OR2AJ1: variants seen among roughly 807,000 people sequenced by gnomAD.
OR2AJ1 encodes the protein olfactory receptor 2AJ1.
For synonymous variants in OR2AJ1, 105 were observed against 60.3 expected (o/e 1.74, Z -3.44); for missense variants, 280 against 163.2 (o/e 1.72, Z -3.90).
chr1:247,929,685 G>A (rs974501104), intron 1 of OR2AJ1, among the ~76,000 whole-genome samples: 1 of 150,868 alleles, frequency 6.6e-6, no homozygotes, highest in Non-Finnish European at 1.5e-5. Flanking sequence ...AACTTTATCA[G>A]GCAGGTACTG....
rs1001773161 is a variant in OR2AJ1, at chr1:247,934,470, GAA to G, written c.706_707del (p.Lys236ValfsTer27). 9 of 717,330 alleles carry G rather than the reference GAA, an allele frequency of 1.3e-5. No homozygotes were observed. In the Admixed American group the frequency reaches 1.8e-4, roughly 14 times the overall value. The allele number at this position is 717,330 out of a possible 1,614,324, so 44.4% of individuals were successfully genotyped here. On this transcript the variant is annotated frameshift_variant, in exon 2 of 2. Transcript: ENST00000318244. LOFTEE classifies it low-confidence loss of function (END_TRUNC). ...VLQMKSSEAR[K>X]KSFSTCSFHM... The stretch of plus-strand genomic sequence containing the variant: ...TCCAGATGAAATCATCAGAGGCAAG[GAA>G]AAAGTCATTTTCCACTTGTTCCTTC...
At position 247,934,823 on chromosome 1, in the gene OR2AJ1, G is replaced by T. The variant is rs1660199984; in HGVS notation, c.*68G>T. 2 of 609,004 alleles carry T rather than the reference G, an allele frequency of 3.3e-6. No homozygotes were observed. The highest frequency in any genetic ancestry group is 5.8e-6 in the Non-Finnish European group (2 of 343,266). 37.7% of individuals were successfully genotyped at this position (609,004 alleles called of 1,614,324 possible). On this transcript the variant is annotated 3_prime_UTR_variant, in exon 2 of 2. Coordinates refer to ENST00000318244, the MANE Select transcript of OR2AJ1 (RefSeq NM_001355235.2). ...AAAGCTTCTATCTTACCACATATAAGAAGTGAATATTTCAGAAACATTGTT... is the reference window on the plus strand; with the variant it reads ...AAAGCTTCTATCTTACCACATATAATAAGTGAATATTTCAGAAACATTGTT...
At chr1:247,932,229 C>T (rs7518259) in intron 1 of OR2AJ1, among the ~76,000 whole-genome samples, 5,864 of 152,222 alleles carry the variant, frequency 0.039, 372 homozygotes, top group African/African-American at 0.13. Flanking sequence ...CCAAGCTACT[C>T]GGAAGCTGAG....
rs550934048 is a variant in OR2AJ1, at chr1:247,933,988, G to T, written c.220G>T (p.Val74Phe). The T allele has an allele frequency of 1.4e-6, 1 of 717,608 alleles. No homozygotes were observed. The highest frequency in any genetic ancestry group is 1.7e-5 in the African/African-American group (1 of 57,376). 44.5% of individuals were successfully genotyped at this position (717,608 alleles called of 1,614,324 possible). ...SHLSLMDILHVSNIVPKMVTN... is the reference protein window; with the variant it reads ...SHLSLMDILHFSNIVPKMVTN... Reference sequence around the variant, plus strand: ...TCTCTCCTTAATGGATATCTTGCATGTTTCCAACATCGTTCCCAAAATGGT... The same window carrying T: ...TCTCTCCTTAATGGATATCTTGCATTTTTCCAACATCGTTCCCAAAATGGT... The change falls in exon 2 of 2, where the codon GTT (valine) becomes TTT (phenylalanine). Residue 74 changes from valine to phenylalanine, a missense_variant. Val to Phe is a conservative substitution (Grantham distance 50). Coordinates refer to ENST00000318244, the MANE Select transcript of OR2AJ1 (RefSeq NM_001355235.2).
In OR2AJ1 at chr1:247,935,272, TA is replaced by T. The variant is rs1660205487; in HGVS notation, c.*518del. On this transcript the variant is annotated 3_prime_UTR_variant, in exon 2 of 2. Coordinates refer to ENST00000318244, the MANE Select transcript of OR2AJ1 (RefSeq NM_001355235.2). ...TAAAATTGAATTACTCATCCTATGC[TA>T]GAAGCAACTATACAATATTAGATAG... The T allele has an allele frequency of 6.6e-6, 1 of 152,352 alleles. No individual in the cohort carries two copies. The highest frequency in any genetic ancestry group is 2.4e-5 in the African/African-American group (1 of 41,452). 9.4% of individuals were successfully genotyped at this position (152,352 alleles called of 1,614,324 possible).
chr1:247,931,420 C>T (rs938334623), intron 1 of OR2AJ1, among the ~76,000 whole-genome samples: 1 of 152,162 alleles, frequency 6.6e-6, no homozygotes, highest in Non-Finnish European at 1.5e-5. Flanking sequence ...GATACACTTT[C>T]TTGAATCATT....
intron 1 of OR2AJ1, 67 bp downstream of exon 1, chr1:247,925,235 C>G (rs527519060): frequency 6.6e-6 from 1 of 152,486 alleles, no homozygotes; most frequent in Non-Finnish European, 1.5e-5. Flanking sequence ...CATAGGAAGG[C>G]GCAGGTTTTG....
chr1:247,929,572 G>A (rs1158478413), intron 1 of OR2AJ1, among the ~76,000 whole-genome samples: 1 of 148,536 alleles, frequency 6.7e-6, no homozygotes, highest in Non-Finnish European at 1.5e-5. Context: ...TTGACTGTGT[G>A]CCAGGCTCTA....
intron 1 of OR2AJ1, among the ~76,000 whole-genome samples, chr1:247,931,881 G>A (rs1660156472): frequency 6.6e-6 from 1 of 152,156 alleles, no homozygotes; most frequent in South Asian, 2.1e-4. Flanking sequence ...CAGGGAGTGG[G>A]GAAAAGTTAA....
intron 1 of OR2AJ1, among the ~76,000 whole-genome samples, chr1:247,926,714 C>T (rs1660094965): frequency 6.6e-6 from 1 of 152,170 alleles, no homozygotes; most frequent in Non-Finnish European, 1.5e-5. Context: ...GTTTCAAAAA[C>T]ATAGCTGGCA....
Position 247,934,500 on chromosome 1 carries a change from CAT to C in OR2AJ1, c.733_734del (p.Met245AspfsTer18), listed in dbSNP as rs778491709. On this transcript the variant is annotated frameshift_variant, in exon 2 of 2. Transcript: ENST00000318244. LOFTEE classifies it low-confidence loss of function (END_TRUNC). ...KKSFSTCSFH[M>X]IVVTMYYGPF... ...AGTCATTTTCCACTTGTTCCTTCCA[CAT>C]GATTGTGGTCACGATGTACTATGGG... 1 of 717,556 alleles carries C rather than the reference CAT, an allele frequency of 1.4e-6. No individual in the cohort carries two copies. The highest frequency in any genetic ancestry group is 1.5e-5 in the South Asian group (1 of 67,596). 44.4% of individuals were successfully genotyped at this position (717,556 alleles called of 1,614,324 possible).
chr1:247,928,870 G>A (rs925187973), intron 1 of OR2AJ1, among the ~76,000 whole-genome samples: 1 of 152,102 alleles, frequency 6.6e-6, no homozygotes, highest in African/African-American at 2.4e-5. Flanking sequence ...CGAGGCGGGC[G>A]GATCACGAGG....
At chr1:247,932,130 A>T (rs1376760192) in intron 1 of OR2AJ1, among the ~76,000 whole-genome samples, 1 of 152,178 alleles carries the variant, frequency 6.6e-6, no homozygotes, top group African/African-American at 2.4e-5. Context: ...TTTGAAGTCA[A>T]GAGTTCGAGA....
chr1:247,926,855 T>C (rs1356589279), intron 1 of OR2AJ1, among the ~76,000 whole-genome samples: 1 of 152,206 alleles, frequency 6.6e-6, no homozygotes, highest in Non-Finnish European at 1.5e-5. Context: ...TAGACTTTAG[T>C]GGGAACAAAC....
At chr1:247,929,599 G>GGTCTGTGTGTGTGTGTGTGT (rs138586638) in intron 1 of OR2AJ1, among the ~76,000 whole-genome samples, 48 of 147,356 alleles carry the variant, frequency 3.3e-4, no homozygotes, top group Admixed American at 1.8e-3. Context: ...CCCTTCACTC[G>GGTCTGTGTGTGTGTGTGTGT]GTGTGTGTGT....
chr1:247,933,451 G>A (rs1660175487), intron 1 of OR2AJ1, among the ~76,000 whole-genome samples: 1 of 152,258 alleles, frequency 6.6e-6, no homozygotes, highest in Admixed American at 6.5e-5. Context: ...GCCTCCTTGG[G>A]AAAGTGACAT....
chr1:247,934,935 C>G lies in OR2AJ1; in HGVS notation c.*180C>G, dbSNP rs935207064. Reference sequence around the variant, plus strand: ...TTCTGTGGTACCAATTATAATCATGCAACAGTTACAGGAAGTAGAAGTTAC... The same window carrying G: ...TTCTGTGGTACCAATTATAATCATGGAACAGTTACAGGAAGTAGAAGTTAC... On this transcript the variant is annotated 3_prime_UTR_variant, in exon 2 of 2. Transcript: ENST00000318244. 7.5e-6 allele frequency: 4 copies of G among 530,828 alleles called. No individual in the cohort carries two copies. The highest frequency in any genetic ancestry group is 3.6e-5 in the Admixed American group (1 of 27,556). 32.9% of individuals were successfully genotyped at this position (530,828 alleles called of 1,614,324 possible). A position where few individuals can be genotyped will look rare whatever the true frequency, so the allele number is the denominator to read the frequency against.
At chr1:247,928,249 T>G (rs1660113670) in intron 1 of OR2AJ1, among the ~76,000 whole-genome samples, 1 of 152,222 alleles carries the variant, frequency 6.6e-6, no homozygotes, top group African/African-American at 2.4e-5. Flanking sequence ...TTGATTTATA[T>G]TTCCCTTATG....
chr1:247,929,825 A>T (rs1286875934), intron 1 of OR2AJ1, among the ~76,000 whole-genome samples: 1 of 152,116 alleles, frequency 6.6e-6, no homozygotes, highest in Admixed American at 6.5e-5. Context: ...TTTCCATTAA[A>T]TTTTCCTGTT....
Sources: gnomAD v4.1 joint callset for allele counts (sites outside exome capture counted in the v4.1 genomes callset) on GRCh38, gnomAD v4.1.1 for gene constraint, MANE v1.5 for transcripts, NCBI Gene and HGNC (gene_info 2026-07-23, HGNC 2026-07-21) for gene names.